Variants in CDH13 observed in about 807,000 individuals in gnomAD.
CDH13 encodes the protein cadherin-13.
In CDH13, 24 loss-of-function variants were observed where a neutral mutation model predicts 63.8. The ratio of observed to expected loss-of-function variants is 0.38; its 90% CI spans 0.27 to 0.53. The LOEUF (loss-of-function observed/expected upper bound fraction) is 0.53. Ranked by LOEUF, CDH13 falls within the 20% of genes least tolerant of loss-of-function variation. The pLI is 0.85. For synonymous variants in CDH13, 503 were observed against 355.3 expected (o/e 1.42, Z -4.67); for missense variants, 1,049 against 903.1 (o/e 1.16, Z -2.07).
In CDH13 at chr16:83,216,427, T is replaced by TATATATATATATAAAA. The variant is rs1555513892; in HGVS notation, c.484-905_484-904insAAAATATATATATATA. On this transcript the variant is annotated intron_variant, in intron 4 of 13. Transcript: ENST00000567109. ...ATATATATATATATATATATATATA[T>TATATATATATATAAAA]ATATATATATATATATACACAACCC... Among the ~76,000 whole-genome samples, 12 of 45,070 alleles carry TATATATATATATAAAA rather than the reference T, an allele frequency of 2.7e-4. 2 individuals carry two copies. The highest frequency in any genetic ancestry group is 1.9e-3 in the Admixed American group (5 of 2,658). 29.6% of individuals were successfully genotyped at this position (45,070 alleles called of 152,430 possible). A position where few individuals can be genotyped will look rare whatever the true frequency, so the allele number is the denominator to read the frequency against.
At position 83,460,756 on chromosome 16, in the gene CDH13, G is replaced by A. The variant is rs111817181; in HGVS notation, c.782-25721G>A. Among the ~76,000 whole-genome samples, 1,438 of 152,088 alleles carry A rather than the reference G, an allele frequency of 9.5e-3. 17 individuals carry two copies. Among genetic ancestry groups the A allele is most frequent in the African/African-American group, 0.033 (1,360 of 41,444 alleles). ...CACCTGTAAACCCAGCATTTTGGGA[G>A]GCCGAGGCGGGAGGATTGCTTTAGC... On this transcript the variant is annotated intron_variant, in intron 6 of 13. Transcript: ENST00000567109.
chr16:83,017,646 A>T (rs1284967472), intron 2 of CDH13, among the ~76,000 whole-genome samples: 1 of 152,196 alleles, frequency 6.6e-6, no homozygotes, highest in African/African-American at 2.4e-5. Flanking sequence ...ATGCTTCATA[A>T]ATGGTAGGTA....
intron 7 of CDH13, among the ~76,000 whole-genome samples, chr16:83,514,976 C>A (rs1193242336): frequency 6.6e-6 from 1 of 152,162 alleles, no homozygotes; most frequent in Non-Finnish European, 1.5e-5. Context: ...TTCTTGATGG[C>A]GAAATGGAGA....
intron 6 of CDH13, among the ~76,000 whole-genome samples, chr16:83,369,592 T>A (rs931085192): frequency 2.6e-5 from 4 of 152,130 alleles, no homozygotes; most frequent in Non-Finnish European, 4.4e-5. Flanking sequence ...CCAATTTTTT[T>A]AAATTTATTT....
chr16:83,717,520 C>G (rs893081687), intron 10 of CDH13, among the ~76,000 whole-genome samples: 3 of 152,226 alleles, frequency 2.0e-5, no homozygotes, highest in African/African-American at 4.8e-5. Flanking sequence ...AAGGACGACA[C>G]CATCAGGAAG....
intron 1 of CDH13, among the ~76,000 whole-genome samples, chr16:82,731,935 C>T (rs573276404): frequency 6.6e-6 from 1 of 152,234 alleles, no homozygotes; most frequent in African/African-American, 2.4e-5. Context: ...AGCTTCCAGG[C>T]CTTTGAGTGG....
At chr16:83,778,004 T>A (rs1272030279) in intron 11 of CDH13, among the ~76,000 whole-genome samples, 1 of 152,246 alleles carries the variant, frequency 6.6e-6, no homozygotes, top group African/African-American at 2.4e-5. Context: ...TATAAAATTA[T>A]GGTGCTGTAA....
intron 3 of CDH13, 29 bp downstream of exon 3, chr16:83,032,247 T>A (rs1457235276): frequency 6.4e-7 from 1 of 1,572,502 alleles, no homozygotes; most frequent in Admixed American, 1.7e-5. Context: ...ATAACTTGGG[T>A]TCAAGGAGGA....
chr16:82,828,734 A>G (rs999463206), intron 1 of CDH13, among the ~76,000 whole-genome samples: 1 of 152,206 alleles, frequency 6.6e-6, no homozygotes, highest in Non-Finnish European at 1.5e-5. Context: ...AGAAAAAATA[A>G]TACAAATAAA....
intron 6 of CDH13, among the ~76,000 whole-genome samples, chr16:83,442,020 G>A (rs890075624): frequency 6.6e-6 from 1 of 152,206 alleles, no homozygotes; most frequent in African/African-American, 2.4e-5. Context: ...AGAGCTGGGA[G>A]CGAGATGACA....
At chr16:82,756,168 T>G (rs1044272309) in intron 1 of CDH13, among the ~76,000 whole-genome samples, 2 of 152,210 alleles carry the variant, frequency 1.3e-5, no homozygotes, top group African/African-American at 4.8e-5. Flanking sequence ...TATTTCTATT[T>G]GTTGCTAGGG....
At chr16:83,210,468 A>C (rs2039308459) in intron 4 of CDH13, among the ~76,000 whole-genome samples, 1 of 152,120 alleles carries the variant, frequency 6.6e-6, no homozygotes, top group South Asian at 2.1e-4. Context: ...TAAAAGAGAA[A>C]TCAGAAACAT....
At position 83,235,259 on chromosome 16, in the gene CDH13, C is replaced by G. The variant is rs569634431; in HGVS notation, c.636+17762C>G. On this transcript the variant is annotated intron_variant, in intron 5 of 13. Transcript: ENST00000567109. ...AACACTTAGGTTTGCAGGGAAGCAC[C>G]CTCCAATGCACAGGTCAGCCCCTGC... 2.0e-3 allele frequency among the ~76,000 whole-genome samples: 300 copies of G among 152,196 alleles called. 2 individuals carry two copies. Among genetic ancestry groups the G allele is most frequent in the African/African-American group, 6.6e-3 (274 of 41,520 alleles).
chr16:83,474,974 A>G (rs557138630), intron 6 of CDH13, among the ~76,000 whole-genome samples: 8 of 152,240 alleles, frequency 5.3e-5, no homozygotes, highest in Non-Finnish European at 1.2e-4. Flanking sequence ...GCAGCTGAGT[A>G]TAGGCACTGA....
At chr16:82,957,538 A>T (rs539641848) in intron 2 of CDH13, among the ~76,000 whole-genome samples, 1 of 152,306 alleles carries the variant, frequency 6.6e-6, no homozygotes, top group East Asian at 1.9e-4. Context: ...GTGCCTCCCA[A>T]GTACCCATAA....
chr16:83,219,126 G>A (rs904434369), intron 5 of CDH13, among the ~76,000 whole-genome samples: 9 of 152,158 alleles, frequency 5.9e-5, no homozygotes, highest in South Asian at 2.1e-4. Flanking sequence ...GTGCTGCTGC[G>A]TACTGAGCTG....
At chr16:83,460,706 C>G (rs1389497613) in intron 6 of CDH13, among the ~76,000 whole-genome samples, 1 of 152,010 alleles carries the variant, frequency 6.6e-6, no homozygotes, top group Non-Finnish European at 1.5e-5. Context: ...TTTAAAATTG[C>G]AGATAGCCTG....
intron 7 of CDH13, among the ~76,000 whole-genome samples, chr16:83,538,963 T>C (rs893462395): frequency 1.3e-5 from 2 of 152,190 alleles, no homozygotes; most frequent in African/African-American, 4.8e-5. Context: ...CTTGAACCCA[T>C]ATAAACAGTG....
At chr16:83,211,148 A>G (rs1230195747) in intron 4 of CDH13, among the ~76,000 whole-genome samples, 1 of 132,732 alleles carries the variant, frequency 7.5e-6, no homozygotes, top group African/African-American at 2.8e-5. Context: ...ATTCCATCTC[A>G]AAAAAAAAAA....
Sources: gnomAD v4.1 joint callset for allele counts (sites outside exome capture counted in the v4.1 genomes callset) on GRCh38, gnomAD v4.1.1 for gene constraint, MANE v1.5 for transcripts, NCBI Gene and HGNC (gene_info 2026-07-23, HGNC 2026-07-21) for gene names.